Variants in GPC5 observed in about 807,000 individuals in gnomAD.
GPC5 encodes glypican-5.
In GPC5, 47 loss-of-function variants were observed where a neutral mutation model predicts 53.9. The ratio of observed to expected loss-of-function variants is 0.87; its 90% CI spans 0.69 to 1.11. GPC5 has a LOEUF of 1.11. Among genes scored for constraint, GPC5 ranks in the 50% most tolerant of loss-of-function variants. GPC5 has a pLI of 0.00. For synonymous variants in GPC5, 286 were observed against 263.3 expected (o/e 1.09, Z -0.84); for missense variants, 748 against 713.1 (o/e 1.05, Z -0.56).
At position 92,145,006 on chromosome 13, in the gene GPC5, A is replaced by G. The variant is rs202022063; in HGVS notation, c.1561+17A>G. ...TCACAGACTGTAAGTGTATGATTCTAACACCACTTTTTTAAAACAATGATT... is the reference window on the plus strand; with the variant it reads ...TCACAGACTGTAAGTGTATGATTCTGACACCACTTTTTTAAAACAATGATT... On this transcript the variant is annotated intron_variant, in intron 7 of 7. Transcript: ENST00000377067. 6 of 1,358,720 alleles carry G rather than the reference A, an allele frequency of 4.4e-6. No individual in the cohort carries two copies. Among genetic ancestry groups the G allele is most frequent in the Non-Finnish European group, 5.7e-6 (6 of 1,046,928 alleles). The allele number at this position is 1,358,720 out of a possible 1,614,324, so 84.2% of individuals were successfully genotyped here. A position where few individuals can be genotyped will look rare whatever the true frequency, so the allele number is the denominator to read the frequency against.
intron 6 of GPC5, among the ~76,000 whole-genome samples, chr13:91,977,678 C>G (rs1411257904): frequency 1.3e-5 from 2 of 152,106 alleles, no homozygotes; most frequent in Non-Finnish European, 2.9e-5. Flanking sequence ...TTAAAGATAC[C>G]TCCTTCCCCC....
At chr13:92,163,480 A>T (rs968908112) in intron 7 of GPC5, among the ~76,000 whole-genome samples, 8 of 148,910 alleles carry the variant, frequency 5.4e-5, no homozygotes, top group Non-Finnish European at 4.5e-5. Flanking sequence ...AAAAAAAAAG[A>T]TGGAAAGAAA....
At chr13:92,148,174 T>C (rs1365107942) in intron 7 of GPC5, among the ~76,000 whole-genome samples, 1 of 152,020 alleles carries the variant, frequency 6.6e-6, no homozygotes, top group Non-Finnish European at 1.5e-5. Context: ...CTATATATAG[T>C]TGTGAGTATT....
intron 2 of GPC5, among the ~76,000 whole-genome samples, chr13:91,578,364 G>A (rs747708248): frequency 1.3e-5 from 2 of 152,150 alleles, no homozygotes; most frequent in Non-Finnish European, 2.9e-5. Flanking sequence ...TAGCTTTCAG[G>A]TAATGTCTTA....
chr13:91,453,711 G>A (rs1396637651), intron 2 of GPC5, among the ~76,000 whole-genome samples: 2 of 151,288 alleles, frequency 1.3e-5, no homozygotes, highest in Non-Finnish European at 2.9e-5. Context: ...ATGAATAAAG[G>A]AATGAATGAA....
At chr13:91,435,556 A>G (rs1164858558) in intron 1 of GPC5, among the ~76,000 whole-genome samples, 6 of 152,174 alleles carry the variant, frequency 3.9e-5, no homozygotes, top group Non-Finnish European at 7.3e-5. Flanking sequence ...ATGGTGGATA[A>G]GCTTTTTGAT....
rs72641495 is a variant in GPC5, at chr13:91,637,481, C to T, written c.326-55706C>T. Among the ~76,000 whole-genome samples, 1,118 of 152,140 alleles carry T rather than the reference C, an allele frequency of 7.3e-3. 9 individuals carry two copies. The highest frequency in any genetic ancestry group is 0.012 in the Non-Finnish European group (790 of 68,004). On this transcript the variant is annotated intron_variant, in intron 2 of 7. Coordinates refer to ENST00000377067, the MANE Select transcript of GPC5 (RefSeq NM_004466.6). Reference sequence around the variant, plus strand: ...TTTTATTGTGCTTACTGTCTGTGGACAAGGGATATAGTCATGTAGGATGAA... The same window carrying T: ...TTTTATTGTGCTTACTGTCTGTGGATAAGGGATATAGTCATGTAGGATGAA...
intron 6 of GPC5, among the ~76,000 whole-genome samples, chr13:91,912,608 C>A (rs2039619695): frequency 6.6e-6 from 1 of 152,084 alleles, no homozygotes; most frequent in African/African-American, 2.4e-5. Flanking sequence ...CCACACAAAA[C>A]AAATACTTTT....
chr13:92,752,637 G>A (rs952535897), intron 7 of GPC5, among the ~76,000 whole-genome samples: 19 of 152,116 alleles, frequency 1.2e-4, no homozygotes, highest in African/African-American at 1.7e-4. Flanking sequence ...TGCGCGCACC[G>A]TGCGCGAGCT....
At chr13:91,929,661 G>T (rs2039802271) in intron 6 of GPC5, among the ~76,000 whole-genome samples, 1 of 151,988 alleles carries the variant, frequency 6.6e-6, no homozygotes, top group Non-Finnish European at 1.5e-5. Context: ...CCTGTGTTTG[G>T]TTGTCATTTT....
intron 2 of GPC5, among the ~76,000 whole-genome samples, chr13:91,491,667 A>G (rs1456845338): frequency 2.6e-5 from 4 of 152,152 alleles, no homozygotes; most frequent in Non-Finnish European, 5.9e-5. Context: ...GCTCTAGGGG[A>G]CATTCCACTC....
chr13:92,489,087 A>G (rs1414092929), intron 7 of GPC5, among the ~76,000 whole-genome samples: 2 of 152,308 alleles, frequency 1.3e-5, no homozygotes, highest in African/African-American at 4.8e-5. Context: ...CAAGCTCTTC[A>G]TCTCTCTTTG....
chr13:91,848,525 G>A lies in GPC5; in HGVS notation c.1281-59412G>A, dbSNP rs368684274. Among the ~76,000 whole-genome samples the A allele has an allele frequency of 2.2e-4, 33 of 152,288 alleles. No individual in the cohort carries two copies. In the South Asian group the frequency reaches 6.2e-3, roughly 29 times the overall value. On this transcript the variant is annotated intron_variant, in intron 5 of 7. Transcript: ENST00000377067. The stretch of plus-strand genomic sequence containing the variant: ...CTAAAGGATGGTTTTCTGAAGGGAG[G>A]TGGGCCTATAAGAGTTAGAAGAACA...
chr13:92,130,803 G>A (rs1376995845), intron 6 of GPC5, among the ~76,000 whole-genome samples: 5 of 151,868 alleles, frequency 3.3e-5, no homozygotes, highest in Non-Finnish European at 7.4e-5. Flanking sequence ...TGGAAAAAGT[G>A]CTAATTAAGG....
intron 7 of GPC5, among the ~76,000 whole-genome samples, chr13:92,823,149 G>T (rs1303863126): frequency 6.6e-6 from 1 of 152,038 alleles, no homozygotes; most frequent in East Asian, 1.9e-4. Context: ...AAATATTGCT[G>T]CCACTTAAAC....
chr13:92,857,199 C>T (rs559740631), intron 7 of GPC5, among the ~76,000 whole-genome samples: 6 of 152,068 alleles, frequency 3.9e-5, no homozygotes, highest in Non-Finnish European at 7.4e-5. Context: ...ACAAAGTTGA[C>T]AAACATAAGC....
intron 2 of GPC5, among the ~76,000 whole-genome samples, chr13:91,618,995 T>A (rs2033778275): frequency 6.6e-6 from 1 of 152,106 alleles, no homozygotes; most frequent in South Asian, 2.1e-4. Context: ...ACTATTATTA[T>A]AATTGTAGAA....
intron 5 of GPC5, among the ~76,000 whole-genome samples, chr13:91,866,549 T>C (rs1313431418): frequency 6.6e-6 from 1 of 152,160 alleles, no homozygotes; most frequent in Non-Finnish European, 1.5e-5. Flanking sequence ...CCTCATGTAA[T>C]ACTTCGGCTC....
At chr13:92,709,737 A>G (rs1015775754) in intron 7 of GPC5, among the ~76,000 whole-genome samples, 21 of 152,214 alleles carry the variant, frequency 1.4e-4, no homozygotes, top group African/African-American at 5.1e-4. Flanking sequence ...TCCACCTTCA[A>G]GGAGGTACTT....
Sources: gnomAD v4.1 joint callset for allele counts (sites outside exome capture counted in the v4.1 genomes callset) on GRCh38, gnomAD v4.1.1 for gene constraint, MANE v1.5 for transcripts, NCBI Gene and HGNC (gene_info 2026-07-23, HGNC 2026-07-21) for gene names.